KCNIP4: variants seen among roughly 807,000 people sequenced by gnomAD.
KCNIP4 encodes Kv channel-interacting protein 4.
KCNIP4 carries 12 observed loss-of-function variants against 34.0 expected under a neutral mutation model. The ratio of observed to expected loss-of-function variants is 0.35; its 90% CI spans 0.23 to 0.57. The LOEUF is 0.57. Among genes scored for constraint, KCNIP4 ranks in the 20% least tolerant of loss-of-function variants. The probability of loss-of-function intolerance (pLI) is 0.83; values close to 1 mark genes in which losing one functional copy is unlikely to be tolerated. For synonymous variants in KCNIP4, 124 were observed against 102.2 expected (o/e 1.21, Z -1.29); for missense variants, 238 against 311.7 (o/e 0.76, Z 1.78).
intron 1 of KCNIP4, among the ~76,000 whole-genome samples, chr4:21,384,731 C>T (rs1333385812): frequency 6.6e-6 from 1 of 152,180 alleles, no homozygotes; most frequent in East Asian, 1.9e-4. Context: ...GAGTAAGATG[C>T]TTAACCATAT....
intron 1 of KCNIP4, among the ~76,000 whole-genome samples, chr4:21,111,900 G>C (rs1439651285): frequency 6.6e-6 from 1 of 152,152 alleles, no homozygotes; most frequent in Non-Finnish European, 1.5e-5. Context: ...AGGGAAAAGA[G>C]GAACATGCTA....
chr4:21,431,498 G>T (rs1013256624), intron 1 of KCNIP4, among the ~76,000 whole-genome samples: 4 of 152,012 alleles, frequency 2.6e-5, no homozygotes, highest in Non-Finnish European at 5.9e-5. Flanking sequence ...GATAGCAAAA[G>T]ACATTCATAA....
intron 3 of KCNIP4, among the ~76,000 whole-genome samples, chr4:20,840,738 C>T (rs1719622657): frequency 6.6e-6 from 1 of 152,098 alleles, no homozygotes; most frequent in Non-Finnish European, 1.5e-5. Flanking sequence ...ATTTTTTTGT[C>T]TTAAACCACT....
intron 1 of KCNIP4, among the ~76,000 whole-genome samples, chr4:21,485,727 C>T (rs749526020): frequency 1.3e-5 from 2 of 152,174 alleles, no homozygotes; most frequent in Non-Finnish European, 2.9e-5. Flanking sequence ...AACTTGTATC[C>T]ACAGTGTTTA....
intron 1 of KCNIP4, among the ~76,000 whole-genome samples, chr4:21,284,869 A>C (rs1037867441): frequency 6.6e-6 from 1 of 152,022 alleles, no homozygotes; most frequent in Non-Finnish European, 1.5e-5. Flanking sequence ...GAACACACCC[A>C]CCGGGAGAAG....
intron 2 of KCNIP4, among the ~76,000 whole-genome samples, chr4:20,863,120 T>A (rs543363073): frequency 6.6e-6 from 1 of 152,122 alleles, no homozygotes; most frequent in African/African-American, 2.4e-5. Flanking sequence ...AAATAATTCA[T>A]GCAAAGCCAG....
At chr4:21,191,477 G>T (rs1485648586) in intron 1 of KCNIP4, among the ~76,000 whole-genome samples, 2 of 152,150 alleles carry the variant, frequency 1.3e-5, no homozygotes, top group Non-Finnish European at 2.9e-5. Context: ...CTGCCGGAGG[G>T]TGCTGTATAA....
chr4:20,758,814 T>C lies in KCNIP4; in HGVS notation c.358+7A>G. ...TAGTATGTTAACAAGTCCACATTTG[T>C]ACTTACCTCCCTGTGGAAAGAACTG... On this transcript the variant is annotated splice_region_variant and intron_variant, in intron 4 of 8. Coordinates refer to ENST00000382152, the MANE Select transcript of KCNIP4 (RefSeq NM_025221.6). 1 of 1,607,130 alleles carries C rather than the reference T, an allele frequency of 6.2e-7. No homozygotes were observed.
rs571627272 is a variant in KCNIP4, at chr4:20,939,619, G to C, written c.62-56910C>G. 8.6e-4 allele frequency among the ~76,000 whole-genome samples: 131 copies of C among 152,064 alleles called. 1 individual carries two copies. Among genetic ancestry groups the C allele is most frequent in the African/African-American group, 3.0e-3 (124 of 41,494 alleles). On this transcript the variant is annotated intron_variant, in intron 1 of 8. Transcript: ENST00000382152. ...GATTTCTTGGCCTCATGATCCGCCC[G>C]CCTCAGCCTCCTAAAGTGCTGGGAT...
chr4:21,080,093 A>T (rs1011916536), intron 1 of KCNIP4, among the ~76,000 whole-genome samples: 9 of 151,872 alleles, frequency 5.9e-5, no homozygotes, highest in Admixed American at 5.9e-4. Context: ...TACATTCTGC[A>T]ACTCATCTCC....
chr4:21,633,027 G>A (rs962501659), intron 1 of KCNIP4, among the ~76,000 whole-genome samples: 4 of 152,036 alleles, frequency 2.6e-5, no homozygotes, highest in South Asian at 2.1e-4. Flanking sequence ...AACACTCTTC[G>A]GGTCACAGAC....
chr4:21,432,246 T>C (rs1012547597), intron 1 of KCNIP4, among the ~76,000 whole-genome samples: 5 of 149,442 alleles, frequency 3.3e-5, no homozygotes, highest in Non-Finnish European at 7.4e-5. Flanking sequence ...TAACTCCAAA[T>C]AAAGCGAGGA....
At position 21,146,113 on chromosome 4, in the gene KCNIP4, A is replaced by G. The variant is rs144283295; in HGVS notation, c.62-263404T>C. 3.6e-3 allele frequency among the ~76,000 whole-genome samples: 554 copies of G among 152,178 alleles called. 6 individuals carry two copies. Among genetic ancestry groups the G allele is most frequent in the African/African-American group, 0.013 (524 of 41,530 alleles). On this transcript the variant is annotated intron_variant, in intron 1 of 8. Coordinates refer to ENST00000382152, the MANE Select transcript of KCNIP4 (RefSeq NM_025221.6). The stretch of plus-strand genomic sequence containing the variant: ...AGAGAAAAATCCTTAAAAGTGGGAG[A>G]CTCGGCCGGGCGCAGTGGCTCACGC...
chr4:21,208,977 G>A (rs1377860560), intron 1 of KCNIP4, among the ~76,000 whole-genome samples: 2 of 151,954 alleles, frequency 1.3e-5, no homozygotes, highest in South Asian at 2.1e-4. Context: ...GAACAGCATG[G>A]GGGAAACCAT....
intron 1 of KCNIP4, among the ~76,000 whole-genome samples, chr4:21,177,057 A>C (rs1754464674): frequency 6.6e-6 from 1 of 152,214 alleles, no homozygotes; most frequent in South Asian, 2.1e-4. Context: ...GAAGAAAAGC[A>C]CTTAATTGAT....
intron 1 of KCNIP4, among the ~76,000 whole-genome samples, chr4:21,147,803 G>C (rs999846553): frequency 6.6e-6 from 1 of 151,752 alleles, no homozygotes; most frequent in Non-Finnish European, 1.5e-5. Context: ...GCCGAGCATG[G>C]TGGCAGATGC....
chr4:21,772,945 T>G (rs1470827484), intron 1 of KCNIP4, among the ~76,000 whole-genome samples: 1 of 152,190 alleles, frequency 6.6e-6, no homozygotes. Context: ...CTTGGTTATT[T>G]CTTGTCTTCT....
At chr4:20,928,854 A>C (rs1730158137) in intron 1 of KCNIP4, among the ~76,000 whole-genome samples, 1 of 151,956 alleles carries the variant, frequency 6.6e-6, no homozygotes. Context: ...AAGAAATAGA[A>C]AGCTTGAATG....
intron 1 of KCNIP4, among the ~76,000 whole-genome samples, chr4:21,938,371 T>C (rs746211018): frequency 6.6e-6 from 1 of 152,178 alleles, no homozygotes; most frequent in Non-Finnish European, 1.5e-5. Context: ...TTCTAGTACT[T>C]AGAAGAATAC....
Sources: allele counts gnomAD v4.1 joint callset (sites outside exome capture counted in the v4.1 genomes callset), GRCh38; gene constraint gnomAD v4.1.1; transcripts MANE v1.5; gene names NCBI Gene and HGNC (gene_info 2026-07-23, HGNC 2026-07-21).